Variants in FBXL13 observed in about 807,000 individuals in gnomAD.
FBXL13 encodes F-box and leucine rich repeat protein 13.
FBXL13 carries 67 observed loss-of-function variants against 83.6 expected under a neutral mutation model. The observed-to-expected ratio is 0.80, with a 90% CI of 0.66 to 0.98. FBXL13 has a LOEUF of 0.98. FBXL13 is among the 50% of genes least tolerant of loss of function. FBXL13 has a pLI of 0.00. For synonymous variants in FBXL13, 272 were observed against 299.5 expected (o/e 0.91, Z 0.95); for missense variants, 822 against 866.5 (o/e 0.95, Z 0.64).
chr7:102,923,378 G>A (rs1817467468), intron 10 of FBXL13, among the ~76,000 whole-genome samples: 1 of 152,116 alleles, frequency 6.6e-6, no homozygotes, highest in Non-Finnish European at 1.5e-5. Context: ...AGCTATCAAT[G>A]AGAGGTCACC....
chr7:103,013,645 G>C (rs1000880218), intron 6 of FBXL13, among the ~76,000 whole-genome samples: 1 of 151,938 alleles, frequency 6.6e-6, no homozygotes, highest in Non-Finnish European at 1.5e-5. Context: ...CTGTTAAGAG[G>C]GAAGTTTATA....
intron 1 of FBXL13, among the ~76,000 whole-genome samples, chr7:103,071,310 A>G (rs780305822): frequency 1.6e-4 from 24 of 152,212 alleles, no homozygotes; most frequent in Admixed American, 1.2e-3. Flanking sequence ...AGAATTTTCT[A>G]AAACGGATGA....
At chr7:102,843,770 C>T (rs555292777) in intron 17 of FBXL13, among the ~76,000 whole-genome samples, 26 of 151,902 alleles carry the variant, frequency 1.7e-4, no homozygotes, top group African/African-American at 5.6e-4. Flanking sequence ...AGCGAGACTC[C>T]GTCTTAATAA....
intron 6 of FBXL13, among the ~76,000 whole-genome samples, chr7:103,008,949 G>A (rs891048335): frequency 6.6e-6 from 1 of 152,126 alleles, no homozygotes; most frequent in Admixed American, 6.5e-5. Context: ...CAATACACAG[G>A]AGGGAGAAAA....
intron 6 of FBXL13, among the ~76,000 whole-genome samples, chr7:103,011,623 G>A (rs1791632479): frequency 6.9e-6 from 1 of 145,406 alleles, no homozygotes; most frequent in African/African-American, 2.5e-5. Context: ...GGGAGACAGA[G>A]TAAGACTCTG....
At chr7:102,856,228 T>C (rs186869439) in intron 16 of FBXL13, among the ~76,000 whole-genome samples, 8 of 152,346 alleles carry the variant, frequency 5.3e-5, no homozygotes. Flanking sequence ...GACCAAATCC[T>C]GTGGAGCCAT....
At chr7:103,046,992 C>T (rs1585542636) in intron 2 of FBXL13, 1 of 152,190 alleles carries the variant, frequency 6.6e-6, no homozygotes, top group Non-Finnish European at 1.5e-5. Context: ...AGTTGATTAT[C>T]CTCGGTGAAC....
At chr7:102,934,663 A>C (rs777298387) in intron 8 of FBXL13, 1 of 1,590,612 alleles carries the variant, frequency 6.3e-7, no homozygotes, top group Non-Finnish European at 8.5e-7. Flanking sequence ...TTCCCATACA[A>C]ACACTGGACT....
chr7:102,947,191 T>C (rs1268278167), intron 8 of FBXL13, among the ~76,000 whole-genome samples: 5 of 152,178 alleles, frequency 3.3e-5, no homozygotes, highest in East Asian at 3.8e-4. Flanking sequence ...TTTAAGGACA[T>C]AGGACCTGAA....
intron 8 of FBXL13, among the ~76,000 whole-genome samples, chr7:102,939,140 G>C (rs889034798): frequency 1.5e-4 from 23 of 152,178 alleles, no homozygotes; most frequent in Admixed American, 1.1e-3. Context: ...GAACCTAGGA[G>C]GTTCTGACTT....
chr7:102,994,535 T>A (rs969694157), intron 6 of FBXL13, among the ~76,000 whole-genome samples: 2 of 152,162 alleles, frequency 1.3e-5, no homozygotes, highest in African/African-American at 4.8e-5. Flanking sequence ...AAAAGTTATC[T>A]GAAAAGGAAT....
chr7:102,887,344 A>G (rs942080891), intron 11 of FBXL13, among the ~76,000 whole-genome samples: 7 of 152,152 alleles, frequency 4.6e-5, no homozygotes, highest in Admixed American at 2.0e-4. Flanking sequence ...AAAACAAAGT[A>G]TATCAGTCAG....
intron 6 of FBXL13, among the ~76,000 whole-genome samples, chr7:102,992,062 C>T (rs1829626911): frequency 6.6e-6 from 1 of 152,126 alleles, no homozygotes; most frequent in Non-Finnish European, 1.5e-5. Flanking sequence ...TAATTTCCCA[C>T]TGATACTATC....
intron 1 of FBXL13, among the ~76,000 whole-genome samples, chr7:103,073,661 A>C (rs1418490385): frequency 1.3e-5 from 2 of 152,224 alleles, no homozygotes; most frequent in African/African-American, 4.8e-5. Flanking sequence ...CACATGTGCA[A>C]GTATTTCTCT....
intron 1 of FBXL13, among the ~76,000 whole-genome samples, chr7:103,061,678 G>A (rs1797917020): frequency 1.3e-5 from 2 of 151,604 alleles, no homozygotes; most frequent in Admixed American, 6.6e-5. Context: ...GGTGGCTCAC[G>A]CCTGTAATCC....
chr7:102,971,870 A>G (rs1316566949), intron 6 of FBXL13, among the ~76,000 whole-genome samples: 1 of 151,606 alleles, frequency 6.6e-6, no homozygotes, highest in Non-Finnish European at 1.5e-5. Flanking sequence ...TACTAAAAAT[A>G]CAAAAATTAG....
At chr7:102,957,971 A>T (rs971854107) in intron 8 of FBXL13, among the ~76,000 whole-genome samples, 2 of 152,200 alleles carry the variant, frequency 1.3e-5, no homozygotes, top group African/African-American at 4.8e-5. Context: ...TGTGGAAGAC[A>T]GTGTGGTGAT....
chr7:102,854,461 T>G (rs1467080102), intron 17 of FBXL13, among the ~76,000 whole-genome samples: 1 of 152,190 alleles, frequency 6.6e-6, no homozygotes, highest in Non-Finnish European at 1.5e-5. Flanking sequence ...GCATGTCACA[T>G]GTATACATAT....
Position 102,964,404 on chromosome 7 carries a change from A to ATATTT in FBXL13, c.592-740_592-739insAAATA, listed in dbSNP as rs796873670. Among the ~76,000 whole-genome samples, 607 of 143,280 alleles carry ATATTT rather than the reference A, an allele frequency of 4.2e-3. 6 individuals carry two copies. The highest frequency in any genetic ancestry group is 0.015 in the African/African-American group (584 of 37,830). The allele number at this position is 143,280 out of a possible 152,430, so 94.0% of individuals were successfully genotyped here. A position where few individuals can be genotyped will look rare whatever the true frequency, so the allele number is the denominator to read the frequency against. On this transcript the variant is annotated intron_variant, in intron 7 of 19. Transcript: ENST00000313221. ...CAATTTTGTGACTATATATATATAT[A>ATATTT]TTTTTTTTTTTTTTTCCAGACTGAG...
Sources: allele counts gnomAD v4.1 joint callset (sites outside exome capture counted in the v4.1 genomes callset), GRCh38; gene constraint gnomAD v4.1.1; transcripts MANE v1.5; gene names NCBI Gene and HGNC (gene_info 2026-07-23, HGNC 2026-07-21).